Variants in RABEPK observed in about 807,000 individuals in gnomAD.
RABEPK encodes the protein 40 kDa Rab9 effector protein.
A neutral mutation model predicts 34.1 loss-of-function variants in RABEPK; 27 were observed. That is an observed-to-expected ratio of 0.79 (90% CI 0.58 to 1.09). The LOEUF (loss-of-function observed/expected upper bound fraction) is 1.09, where lower values mean the gene tolerates loss of function less well. Ranked by LOEUF, RABEPK falls within the 50% of genes least tolerant of loss-of-function variation. The probability of loss-of-function intolerance (pLI) is 0.00; values close to 1 mark genes in which losing one functional copy is unlikely to be tolerated. For missense variants in RABEPK, 449 were observed against 462.6 expected, an observed-to-expected ratio of 0.97 and a Z score of 0.27; for synonymous variants, 172 against 169.2, an observed-to-expected ratio of 1.02 and a Z score of -0.13.
chr9:125,222,685 G>T (rs1261684904), intron 5 of RABEPK, among the ~76,000 whole-genome samples: 1 of 136,082 alleles, frequency 7.3e-6, no homozygotes, highest in African/African-American at 2.8e-5. Flanking sequence ...CTGCACTCCA[G>T]CCTGGGTGAG....
At chr9:125,225,222 TA>T (rs1490029483) in intron 5 of RABEPK, among the ~76,000 whole-genome samples, 1 of 151,946 alleles carries the variant, frequency 6.6e-6, no homozygotes, top group Non-Finnish European at 1.5e-5. Flanking sequence ...CTATCTCTAC[TA>T]AAAATACAAA....
chr9:125,211,494 T>C lies in RABEPK; in HGVS notation c.212-1876T>C, dbSNP rs147860738. On this transcript the variant is annotated intron_variant, in intron 3 of 7. Coordinates refer to ENST00000373538, the MANE Select transcript of RABEPK (RefSeq NM_005833.4). ...AACCAATTATGCAGAAATCTACATA[T>C]AAAAATTTAAATGGTTTGGCTTCTC... Among the ~76,000 whole-genome samples, 462 of 152,190 alleles carry C rather than the reference T, an allele frequency of 3.0e-3. 4 individuals are homozygous for C. Among genetic ancestry groups the C allele is most frequent in the African/African-American group, 0.011 (437 of 41,572 alleles).
At chr9:125,214,797 T>TC (rs916719283) in intron 4 of RABEPK, among the ~76,000 whole-genome samples, 8 of 151,436 alleles carry the variant, frequency 5.3e-5, no homozygotes, top group African/African-American at 1.7e-4. Context: ...TCTGTCTTTT[T>TC]TTTTTTTTTT....
chr9:125,207,038 G>A (rs1184323179), intron 2 of RABEPK, among the ~76,000 whole-genome samples: 4 of 150,146 alleles, frequency 2.7e-5, no homozygotes, highest in East Asian at 3.9e-4. Context: ...GTAGTGAGCC[G>A]AGATCACGCC....
chr9:125,218,239 G>C (rs1236865316), intron 4 of RABEPK, among the ~76,000 whole-genome samples: 1 of 139,218 alleles, frequency 7.2e-6, no homozygotes, highest in African/African-American at 2.7e-5. Context: ...AGAATGGCGT[G>C]AACCCGGGAG....
At position 125,232,634 on chromosome 9, in the gene RABEPK, G is replaced by A; in HGVS notation, c.715G>A (p.Ala239Thr). The change falls in exon 7 of 8, where the codon GCT (alanine) becomes ACT (threonine). Residue 239 changes from alanine (A) to threonine (T), a missense_variant. Ala to Thr is a moderately conservative substitution (Grantham distance 58, BLOSUM62 0). Transcript: ENST00000373538. ...GCAGAAGCTAAATCCCACTGGGGCT[G>A]CTCCAGCAGGCTGTGCTGCCCACTC... ...KWQKLNPTGA[A>T]PAGCAAHSAV... The A allele has an allele frequency of 6.2e-7, 1 of 1,613,944 alleles. No individual in the cohort carries two copies. Among genetic ancestry groups the A allele is most frequent in the South Asian group, 1.1e-5 (1 of 91,030 alleles).
chr9:125,204,044 A>G (rs1238283036), intron 2 of RABEPK, among the ~76,000 whole-genome samples: 2 of 150,190 alleles, frequency 1.3e-5, no homozygotes, highest in East Asian at 3.9e-4. Flanking sequence ...AAAAAAAAAA[A>G]AAAAAAAAGG....
At chr9:125,221,457 A>G (rs1334115844) in intron 5 of RABEPK, 1 of 151,850 alleles carries the variant, frequency 6.6e-6, no homozygotes, top group Non-Finnish European at 1.5e-5. Context: ...AGATCGTGCC[A>G]TTGCACTCCA....
intron 5 of RABEPK, among the ~76,000 whole-genome samples, chr9:125,227,477 A>G (rs1030801240): frequency 5.9e-5 from 9 of 151,552 alleles, no homozygotes; most frequent in Admixed American, 5.3e-4. Context: ...GCTGGAATGC[A>G]ATGGCGCAAT....
chr9:125,211,312 G>A (rs577539575), intron 3 of RABEPK, among the ~76,000 whole-genome samples: 67 of 151,570 alleles, frequency 4.4e-4, no homozygotes, highest in African/African-American at 1.6e-3. Flanking sequence ...ACCATGCCCC[G>A]CTAATTTTTG....
chr9:125,226,191 C>T (rs1831732095), intron 5 of RABEPK, among the ~76,000 whole-genome samples: 1 of 151,004 alleles, frequency 6.6e-6, no homozygotes, highest in Non-Finnish European at 1.5e-5. Flanking sequence ...GTTTTGGGTG[C>T]CTGTAATCCC....
In RABEPK at chr9:125,232,658, T is replaced by C. The variant is rs1832281434; in HGVS notation, c.739T>C (p.Ser247Pro). The change falls in exon 7 of 8, where the codon TCA becomes CCA. Residue 247 changes from serine to proline, a missense_variant. By Grantham distance (74) the Ser-to-Pro change is moderately conservative (BLOSUM62 -1). Transcript: ENST00000373538. ...GAAPAGCAAH[S>P]AVAMGKHVYI... ...TGCTCCAGCAGGCTGTGCTGCCCAC[T>C]CAGCTGTGGCCATGGGAAAACATGT... 2 of 1,614,004 alleles carry C rather than the reference T, an allele frequency of 1.2e-6. No homozygotes were observed. Among genetic ancestry groups the C allele is most frequent in the African/African-American group, 2.7e-5 (2 of 74,944 alleles).
intron 2 of RABEPK, among the ~76,000 whole-genome samples, chr9:125,203,811 T>G (rs1166903399): frequency 1.3e-5 from 2 of 151,304 alleles, no homozygotes; most frequent in South Asian, 4.2e-4. Context: ...GGCGGGTGGA[T>G]CTCCTGAGGT....
rs1829999120 is a variant in RABEPK, at chr9:125,202,947, T to C, written c.-6-61T>C. On this transcript the variant is annotated intron_variant, in intron 1 of 7. Coordinates refer to ENST00000373538, the MANE Select transcript of RABEPK (RefSeq NM_005833.4). ...CAACAGGAAAGGTTTAAAAAGGAGGTTGAATTGATTAAGATGATAATCATA... is the reference window on the plus strand; with the variant it reads ...CAACAGGAAAGGTTTAAAAAGGAGGCTGAATTGATTAAGATGATAATCATA... The C allele has an allele frequency of 4.4e-6, 6 of 1,371,432 alleles. No individual in the cohort carries two copies. In the East Asian group the frequency reaches 9.3e-5, roughly 21 times the overall value. 85.0% of individuals were successfully genotyped at this position (1,371,432 alleles called of 1,614,324 possible).
At chr9:125,218,076 C>G (rs1288983828) in intron 4 of RABEPK, among the ~76,000 whole-genome samples, 1 of 151,610 alleles carries the variant, frequency 6.6e-6, no homozygotes, top group Non-Finnish European at 1.5e-5. Context: ...CTTTGGGAGG[C>G]CGAGGCGGGC....
intron 5 of RABEPK, among the ~76,000 whole-genome samples, chr9:125,226,282 A>G (rs377625567): frequency 6.6e-6 from 1 of 151,782 alleles, no homozygotes; most frequent in Non-Finnish European, 1.5e-5. Context: ...GCACTTGTGC[A>G]TCCTAGCCTG....
intron 4 of RABEPK, among the ~76,000 whole-genome samples, chr9:125,214,431 C>G (rs989604711): frequency 5.3e-5 from 8 of 152,338 alleles, no homozygotes; most frequent in Non-Finnish European, 8.8e-5. Context: ...TTAAGAAACA[C>G]TGACCTGGAT....
In RABEPK at chr9:125,227,309, C is replaced by T. The variant is rs919583417; in HGVS notation, c.527-601C>T. Among the ~76,000 whole-genome samples, 10 of 152,184 alleles carry T rather than the reference C, an allele frequency of 6.6e-5. 2 individuals carry two copies. Among genetic ancestry groups the T allele is most frequent in the Admixed American group, 5.2e-4 (8 of 15,268 alleles). On this transcript the variant is annotated intron_variant, in intron 5 of 7. Transcript: ENST00000373538. ...TTTAGTTTGAAGCTAAAGAGGAGAT[C>T]GTTTTTATTTCATAGCGAGAAATGG...
At chr9:125,229,585 G>A (rs1832032349) in intron 6 of RABEPK, among the ~76,000 whole-genome samples, 1 of 152,174 alleles carries the variant, frequency 6.6e-6, no homozygotes, top group South Asian at 2.1e-4. Flanking sequence ...TGCTTACTAT[G>A]GACCCAGCCA....
Sources: allele counts gnomAD v4.1 joint callset (sites outside exome capture counted in the v4.1 genomes callset), GRCh38; gene constraint gnomAD v4.1.1; transcripts MANE v1.5; gene names NCBI Gene and HGNC (gene_info 2026-07-23, HGNC 2026-07-21).